Variants in PVT1 observed in about 807,000 individuals in gnomAD.
The protein encoded by PVT1 is Pvt1 oncogene.
chr8:127,798,859 G>A (rs1368864578), intron 2 of PVT1, among the ~76,000 whole-genome samples: 1 of 152,114 alleles, frequency 6.6e-6, no homozygotes, highest in East Asian at 1.9e-4. Flanking sequence ...GGGAGATAGA[G>A]TAAGACTTTG....
chr8:128,064,697 A>G (rs1335024812), intron 4 of PVT1, among the ~76,000 whole-genome samples: 2 of 152,250 alleles, frequency 1.3e-5, no homozygotes, highest in Non-Finnish European at 2.9e-5. Flanking sequence ...AAGACCCACA[A>G]ACAAACTTGA....
At chr8:128,065,087 C>T (rs1333360598) in intron 4 of PVT1, among the ~76,000 whole-genome samples, 1 of 152,236 alleles carries the variant, frequency 6.6e-6, no homozygotes, top group African/African-American at 2.4e-5. Flanking sequence ...GTTTACACAG[C>T]AAGTTCCTGA....
chr8:127,998,026 A>G (rs958249896), intron 4 of PVT1, among the ~76,000 whole-genome samples: 18 of 152,232 alleles, frequency 1.2e-4, no homozygotes, highest in African/African-American at 4.3e-4. Context: ...GAGGAAGGCC[A>G]CAGAGGTAAA....
intron 2 of PVT1, among the ~76,000 whole-genome samples, chr8:127,840,615 C>A (rs138973135): frequency 6.6e-6 from 1 of 152,374 alleles, no homozygotes; most frequent in Non-Finnish European, 1.5e-5. Context: ...CCTGTGCTGG[C>A]AGCCCTGGCC....
chr8:127,825,995 A>AGT (rs1269677669), intron 2 of PVT1, among the ~76,000 whole-genome samples: 2 of 134,656 alleles, frequency 1.5e-5, no homozygotes, highest in Admixed American at 1.5e-4. Flanking sequence ...GGACTACAGG[A>AGT]GTGTGCCACC....
At chr8:127,980,219 T>C (rs1402485495) in intron 3 of PVT1, among the ~76,000 whole-genome samples, 1 of 152,126 alleles carries the variant, frequency 6.6e-6, no homozygotes, top group African/African-American at 2.4e-5. Flanking sequence ...CCCCAGTATC[T>C]AGTACATAAA....
At chr8:128,041,294 T>C (rs755594256) in intron 4 of PVT1, among the ~76,000 whole-genome samples, 4 of 119,416 alleles carry the variant, frequency 3.3e-5, no homozygotes, top group Non-Finnish European at 5.5e-5. Flanking sequence ...GCTTGTATGT[T>C]TGTGTTGTGC....
At chr8:127,821,591 A>G (rs545623602) in intron 2 of PVT1, among the ~76,000 whole-genome samples, 2 of 151,992 alleles carry the variant, frequency 1.3e-5, no homozygotes, top group African/African-American at 2.4e-5. Flanking sequence ...TGGGCTGATC[A>G]CGAGGTCAGA....
At chr8:127,904,256 G>A (rs1367242912) in intron 3 of PVT1, among the ~76,000 whole-genome samples, 3 of 152,236 alleles carry the variant, frequency 2.0e-5, no homozygotes, top group African/African-American at 7.2e-5. Context: ...TCACTTGTGA[G>A]AGTGGGGGTC....
intron 3 of PVT1, among the ~76,000 whole-genome samples, chr8:127,958,397 G>A (rs1367500426): frequency 6.6e-6 from 1 of 152,074 alleles, no homozygotes; most frequent in Non-Finnish European, 1.5e-5. Flanking sequence ...ACACCGCCAT[G>A]CCCAGTTAAT....
At chr8:127,824,700 G>T (rs967557141) in intron 2 of PVT1, among the ~76,000 whole-genome samples, 2 of 152,086 alleles carry the variant, frequency 1.3e-5, no homozygotes, top group African/African-American at 4.8e-5. Flanking sequence ...TGTAGTATTA[G>T]TATTTCCATG....
chr8:127,827,484 C>T (rs1814803682), intron 2 of PVT1, among the ~76,000 whole-genome samples: 4 of 152,192 alleles, frequency 2.6e-5, no homozygotes, highest in Admixed American at 2.6e-4. Flanking sequence ...CTGAGCAGCC[C>T]TGAGGCTGGA....
intron 4 of PVT1, among the ~76,000 whole-genome samples, chr8:128,013,567 G>T (rs1355426496): frequency 6.6e-6 from 1 of 152,184 alleles, no homozygotes; most frequent in Admixed American, 6.5e-5. Flanking sequence ...CACAATCTCT[G>T]CCTCTTGAGC....
chr8:127,800,357 T>C (rs1814449486), intron 2 of PVT1, among the ~76,000 whole-genome samples: 1 of 152,130 alleles, frequency 6.6e-6, no homozygotes, highest in African/African-American at 2.4e-5. Context: ...CTCCTGAAGC[T>C]TCTGTCCTAG....
Position 127,893,426 on chromosome 8 carries a change from G to A in PVT1, n.782+2428G>A, listed in dbSNP as rs7464056. Among the ~76,000 whole-genome samples the A allele has an allele frequency of 7.1e-3, 1,082 of 152,168 alleles. 11 individuals are homozygous for A. Among genetic ancestry groups the A allele is most frequent in the African/African-American group, 0.023 (966 of 41,500 alleles). On this transcript the variant is annotated intron_variant and non_coding_transcript_variant, in intron 3 of 10. Transcript: ENST00000651587. ...CAAGTAGCTGGGACTACAGGCGTGC[G>A]CCACCATGCCTGGCTAATTTTTGTT...
chr8:128,065,678 C>T (rs1183680760), intron 4 of PVT1, among the ~76,000 whole-genome samples: 4 of 152,142 alleles, frequency 2.6e-5, no homozygotes, highest in Admixed American at 2.0e-4. Context: ...CTTCAGCTCT[C>T]AAGTCCCTGT....
chr8:127,959,586 G>GAAAA (rs34255005), intron 3 of PVT1, among the ~76,000 whole-genome samples: 8 of 76,492 alleles, frequency 1.0e-4, no homozygotes, highest in South Asian at 5.5e-4. Context: ...TCTGTCTCAG[G>GAAAA]AAAAAAAAAA....
intron 2 of PVT1, among the ~76,000 whole-genome samples, chr8:127,838,563 G>T (rs1460195256): frequency 2.6e-5 from 4 of 152,196 alleles, no homozygotes; most frequent in South Asian, 2.1e-4. Context: ...AACTTAGCTG[G>T]GTGTGCTGGC....
intron 2 of PVT1, among the ~76,000 whole-genome samples, chr8:127,843,159 C>T (rs1814991430): frequency 6.6e-6 from 1 of 152,114 alleles, no homozygotes; most frequent in South Asian, 2.1e-4. Context: ...AGTTCGAGAC[C>T]AACCTGGGCA....
Sources: gnomAD v4.1 joint callset for allele counts (sites outside exome capture counted in the v4.1 genomes callset) on GRCh38, gnomAD v4.1.1 for gene constraint, MANE v1.5 for transcripts, NCBI Gene and HGNC (gene_info 2026-07-23, HGNC 2026-07-21) for gene names.